EYS: variants seen among roughly 807,000 people sequenced by gnomAD.
EYS encodes protein eyes shut homolog.
Under a neutral mutation model 282.1 loss-of-function variants are expected in EYS, and 250 were observed. That is an observed-to-expected ratio of 0.89 (90% CI 0.80 to 0.98). The LOEUF is 0.98. Ranked by LOEUF, EYS falls within the 50% of genes least tolerant of loss-of-function variation. The pLI is 0.00. For missense variants in EYS, 4,016 were observed against 3,709.0 expected (o/e 1.08, Z -2.15); for synonymous variants, 1,355 against 1,282.9 (o/e 1.06, Z -1.20).
chr6:65,580,296 A>G (rs1764822173), intron 2 of EYS, among the ~76,000 whole-genome samples: 3 of 152,138 alleles, frequency 2.0e-5, no homozygotes. Context: ...AATTCAACTC[A>G]GAGAGAAAAC....
In EYS at chr6:64,439,280, T is replaced by C; in HGVS notation, c.5717A>G (p.Asn1906Ser). The C allele has an allele frequency of 6.6e-7, 1 of 1,524,184 alleles. No homozygotes were observed. Among genetic ancestry groups the C allele is most frequent in the Non-Finnish European group, 8.8e-7 (1 of 1,135,532 alleles). The allele number at this position is 1,524,184 out of a possible 1,614,324, so 94.4% of individuals were successfully genotyped here. A position where few individuals can be genotyped will look rare whatever the true frequency, so the allele number is the denominator to read the frequency against. Reference protein sequence around the residue: ...FQNVALNPQNNISLEFQTFSS... With the variant: ...FQNVALNPQNSISLEFQTFSS... ...GAAGGTCTGAAATTCTAGGGAGATGTTATTTTGTGGATTTAAAGCCACATT... is the reference window on the plus strand; with the variant it reads ...GAAGGTCTGAAATTCTAGGGAGATGCTATTTTGTGGATTTAAAGCCACATT... The change falls in exon 27 of 43, where the codon AAC becomes AGC. Residue 1906 changes from asparagine to serine, a missense_variant. Transcript: ENST00000503581.
intron 35 of EYS, among the ~76,000 whole-genome samples, chr6:63,875,728 A>T (rs534119616): frequency 1.3e-5 from 2 of 152,106 alleles, no homozygotes; most frequent in South Asian, 4.2e-4. Context: ...GAATTTATCC[A>T]TTTCTTCTAG....
chr6:64,802,028 T>TTTG (rs1562199443), intron 22 of EYS, among the ~76,000 whole-genome samples: 34 of 115,568 alleles, frequency 2.9e-4, no homozygotes, highest in African/African-American at 1.1e-3. Flanking sequence ...TTTTTCTTTT[T>TTTG]TTTTCTTTTT....
At chr6:65,159,891 T>C (rs1377983959) in intron 12 of EYS, among the ~76,000 whole-genome samples, 2 of 151,128 alleles carry the variant, frequency 1.3e-5, no homozygotes, top group East Asian at 3.9e-4. Context: ...GGGATGTAAG[T>C]GTCATTACTG....
chr6:64,145,143 C>G (rs971745647), intron 31 of EYS, among the ~76,000 whole-genome samples: 4 of 152,096 alleles, frequency 2.6e-5, no homozygotes, highest in Admixed American at 2.0e-4. Context: ...AATGTTGTTA[C>G]CTTTAGACTA....
chr6:65,607,442 AATT>A (rs1562284623), intron 2 of EYS, among the ~76,000 whole-genome samples: 3 of 151,862 alleles, frequency 2.0e-5, no homozygotes, highest in African/African-American at 7.2e-5. Context: ...GAACCAATAC[AATT>A]AATAAGATTC....
chr6:64,624,717 T>C (rs541263234), intron 23 of EYS, among the ~76,000 whole-genome samples: 2 of 152,262 alleles, frequency 1.3e-5, no homozygotes, highest in South Asian at 4.1e-4. Flanking sequence ...AGTTGATAGG[T>C]ATTCACTAGT....
At chr6:65,176,929 G>T (rs1403406412) in intron 12 of EYS, among the ~76,000 whole-genome samples, 1 of 151,438 alleles carries the variant, frequency 6.6e-6, no homozygotes, top group East Asian at 2.0e-4. Flanking sequence ...GAATTTTTAG[G>T]TATATGTTTT....
chr6:64,991,423 T>C (rs1562290696), intron 14 of EYS, among the ~76,000 whole-genome samples: 1 of 151,652 alleles, frequency 6.6e-6, no homozygotes, highest in Non-Finnish European at 1.5e-5. Context: ...TAATAACTAC[T>C]GATGATGTTG....
At position 64,958,041 on chromosome 6, in the gene EYS, T is replaced by G. The variant is rs180954739; in HGVS notation, c.2260-12127A>C. 1.2e-3 allele frequency among the ~76,000 whole-genome samples: 174 copies of G among 151,300 alleles called. 1 individual carries two copies. The highest frequency in any genetic ancestry group is 4.1e-3 in the African/African-American group (172 of 41,486). On this transcript the variant is annotated intron_variant, in intron 14 of 42. Coordinates refer to ENST00000503581, the MANE Select transcript of EYS (RefSeq NM_001142800.2). ...TCTAATATTTTACATTTATTAGGAT[T>G]TTTTTCTGTAAAATGGTTTTAAGTT...
At chr6:64,071,030 C>T (rs1429353956) in intron 32 of EYS, among the ~76,000 whole-genome samples, 1 of 151,866 alleles carries the variant, frequency 6.6e-6, no homozygotes, top group Non-Finnish European at 1.5e-5. Flanking sequence ...AAGGAAAAAC[C>T]AGAAACCAGA....
intron 31 of EYS, among the ~76,000 whole-genome samples, chr6:64,131,413 C>G (rs1406163330): frequency 6.6e-6 from 1 of 152,006 alleles, no homozygotes; most frequent in Admixed American, 6.6e-5. Context: ...GATACACTTG[C>G]AAATCGTGGA....
intron 12 of EYS, among the ~76,000 whole-genome samples, chr6:65,183,022 C>T (rs1327329196): frequency 6.6e-6 from 1 of 151,934 alleles, no homozygotes; most frequent in Non-Finnish European, 1.5e-5. Context: ...AACTCCTGAG[C>T]TCAAGCAATC....
At chr6:64,469,679 C>T (rs984833276) in intron 26 of EYS, among the ~76,000 whole-genome samples, 3 of 152,068 alleles carry the variant, frequency 2.0e-5, no homozygotes, top group African/African-American at 7.2e-5. Flanking sequence ...GAAAAACACC[C>T]GCTACTTAGT....
intron 26 of EYS, among the ~76,000 whole-genome samples, chr6:64,558,541 C>T (rs568448413): frequency 1.3e-5 from 2 of 151,938 alleles, no homozygotes; most frequent in South Asian, 4.1e-4. Flanking sequence ...CAGAACAGAA[C>T]AACAACAACA....
chr6:65,297,780 C>A (rs1368716853), intron 11 of EYS, among the ~76,000 whole-genome samples: 1 of 151,978 alleles, frequency 6.6e-6, no homozygotes, highest in Non-Finnish European at 1.5e-5. Flanking sequence ...TACCTTTCCT[C>A]TTCTCCCTCC....
chr6:64,750,503 C>T (rs758880909), intron 22 of EYS, among the ~76,000 whole-genome samples: 3 of 149,712 alleles, frequency 2.0e-5, no homozygotes, highest in Non-Finnish European at 3.0e-5. Flanking sequence ...ATATGTCATC[C>T]AAAGAAAACT....
chr6:65,042,370 T>C (rs902103595), intron 13 of EYS, among the ~76,000 whole-genome samples: 7 of 151,762 alleles, frequency 4.6e-5, no homozygotes, highest in African/African-American at 1.7e-4. Flanking sequence ...ATTATTTTGA[T>C]CATTGAATTT....
At chr6:65,443,145 A>G (rs1411579807) in intron 5 of EYS, among the ~76,000 whole-genome samples, 1 of 150,784 alleles carries the variant, frequency 6.6e-6, no homozygotes, top group African/African-American at 2.4e-5. Flanking sequence ...ACATATATGT[A>G]CACATCATAC....
Sources: gnomAD v4.1 joint callset for allele counts (sites outside exome capture counted in the v4.1 genomes callset) on GRCh38, gnomAD v4.1.1 for gene constraint, MANE v1.5 for transcripts, NCBI Gene and HGNC (gene_info 2026-07-23, HGNC 2026-07-21) for gene names.